Variants in NAALADL2 observed in about 807,000 individuals in gnomAD.
NAALADL2 encodes N-acetylated alpha-linked acidic dipeptidase like 2.
In NAALADL2, 76 loss-of-function variants were observed where a neutral mutation model predicts 87.2. The observed-to-expected ratio is 0.87, with a 90% CI of 0.72 to 1.05. The LOEUF (loss-of-function observed/expected upper bound fraction) is 1.05. NAALADL2 is among the 50% of genes least tolerant of loss of function. The probability of loss-of-function intolerance (pLI) is 0.00; values close to 1 mark genes in which losing one functional copy is unlikely to be tolerated. For missense variants in NAALADL2, 1,089 were observed against 945.8 expected (o/e 1.15, Z -1.99); for synonymous variants, 354 against 331.0 (o/e 1.07, Z -0.75).
intron 1 of NAALADL2, among the ~76,000 whole-genome samples, chr3:174,544,858 C>T (rs1422764904): frequency 1.3e-5 from 2 of 151,756 alleles, no homozygotes; most frequent in Non-Finnish European, 2.9e-5. Context: ...TGTGAGCCAC[C>T]ACACCTAGCC....
At chr3:175,378,711 G>A (rs998654578) in intron 5 of NAALADL2, among the ~76,000 whole-genome samples, 1 of 152,090 alleles carries the variant, frequency 6.6e-6, no homozygotes, top group African/African-American at 2.4e-5. Context: ...GTTTCTGGGT[G>A]GAAAACTTGG....
At chr3:175,321,912 C>A (rs1759935151) in intron 4 of NAALADL2, among the ~76,000 whole-genome samples, 1 of 145,776 alleles carries the variant, frequency 6.9e-6, no homozygotes, top group Non-Finnish European at 1.5e-5. Flanking sequence ...GCCATACTGC[C>A]CAAGGTAATT....
chr3:174,822,859 C>A (rs574215142), intron 3 of NAALADL2, among the ~76,000 whole-genome samples: 4 of 152,218 alleles, frequency 2.6e-5, no homozygotes, highest in Admixed American at 6.5e-5. Context: ...TAGCCTTTTG[C>A]TTGCAATTCA....
intron 3 of NAALADL2, among the ~76,000 whole-genome samples, chr3:174,833,849 A>G (rs1723015845): frequency 6.6e-6 from 1 of 150,672 alleles, no homozygotes; most frequent in Non-Finnish European, 1.5e-5. Context: ...GCCAAAATTT[A>G]ATGCCCATTT....
At chr3:174,698,728 G>A (rs1010901848) in intron 2 of NAALADL2, among the ~76,000 whole-genome samples, 3 of 133,930 alleles carry the variant, frequency 2.2e-5, no homozygotes, top group Non-Finnish European at 4.5e-5. Flanking sequence ...GCCGGGCGTA[G>A]TGGCGGGCGC....
At chr3:175,458,658 A>G (rs931811434) in intron 6 of NAALADL2, among the ~76,000 whole-genome samples, 2 of 151,252 alleles carry the variant, frequency 1.3e-5, no homozygotes, top group Non-Finnish European at 2.9e-5. Context: ...ATGTTTGTAA[A>G]TCTTTTCTCT....
chr3:175,642,703 TG>T (rs1420170472), intron 11 of NAALADL2, among the ~76,000 whole-genome samples: 1 of 152,108 alleles, frequency 6.6e-6, no homozygotes, highest in Non-Finnish European at 1.5e-5. Flanking sequence ...GGTTTCACCG[TG>T]TTAGCCAGGA....
intron 11 of NAALADL2, among the ~76,000 whole-genome samples, chr3:175,652,043 T>C (rs990121458): frequency 6.6e-6 from 1 of 152,244 alleles, no homozygotes; most frequent in Non-Finnish European, 1.5e-5. Flanking sequence ...TGAAAGGAGA[T>C]ACTGTACATC....
chr3:174,761,413 A>C (rs1358399609), intron 3 of NAALADL2, among the ~76,000 whole-genome samples: 2 of 152,208 alleles, frequency 1.3e-5, no homozygotes, highest in Non-Finnish European at 2.9e-5. Context: ...TTAATGTCTT[A>C]CAGTAGAAAA....
intron 1 of NAALADL2, among the ~76,000 whole-genome samples, chr3:175,092,381 A>G (rs1009257283): frequency 2.6e-5 from 4 of 151,878 alleles, no homozygotes; most frequent in Non-Finnish European, 4.4e-5. Flanking sequence ...TCTCATTATG[A>G]CTGCTGAACA....
At chr3:175,147,180 C>T (rs1730872280) in intron 2 of NAALADL2, among the ~76,000 whole-genome samples, 1 of 152,138 alleles carries the variant, frequency 6.6e-6, no homozygotes. Flanking sequence ...TTTGGAGTAC[C>T]TGTCACCCAG....
chr3:175,135,386 G>A (rs891161469), intron 2 of NAALADL2, among the ~76,000 whole-genome samples: 5 of 151,822 alleles, frequency 3.3e-5, no homozygotes, highest in African/African-American at 4.8e-5. Flanking sequence ...TATTTCCTTT[G>A]TTAATATCCC....
intron 5 of NAALADL2, among the ~76,000 whole-genome samples, chr3:175,366,897 C>T (rs1765666319): frequency 6.6e-6 from 1 of 151,750 alleles, no homozygotes; most frequent in African/African-American, 2.4e-5. Flanking sequence ...TCTTTTGTTG[C>T]CATTGCTTTT....
At chr3:174,875,236 C>A (rs1254436205) in intron 1 of NAALADL2, among the ~76,000 whole-genome samples, 1 of 150,192 alleles carries the variant, frequency 6.7e-6, no homozygotes, top group African/African-American at 2.5e-5. Context: ...TCTAGGATTT[C>A]TGACTTATTT....
intron 2 of NAALADL2, among the ~76,000 whole-genome samples, chr3:175,142,954 G>T (rs1466684836): frequency 2.0e-5 from 3 of 151,900 alleles, no homozygotes; most frequent in African/African-American, 7.2e-5. Context: ...ATATTGAAAA[G>T]TGTTTGTTTT....
intron 2 of NAALADL2, among the ~76,000 whole-genome samples, chr3:174,706,680 CT>C (rs1341130883): frequency 6.6e-6 from 1 of 152,190 alleles, no homozygotes; most frequent in African/African-American, 2.4e-5. Context: ...GTTGCCATTG[CT>C]TTTGGTGTTG....
intron 10 of NAALADL2, among the ~76,000 whole-genome samples, chr3:175,596,096 T>C (rs983014615): frequency 6.6e-6 from 1 of 151,978 alleles, no homozygotes; most frequent in Non-Finnish European, 1.5e-5. Context: ...AAAAAATAAC[T>C]TCAGCAGTTT....
chr3:174,724,553 T>C (rs1020566160), intron 2 of NAALADL2, among the ~76,000 whole-genome samples: 2 of 152,122 alleles, frequency 1.3e-5, no homozygotes, highest in Non-Finnish European at 2.9e-5. Flanking sequence ...TTTGAAATAA[T>C]ACTCCAAATA....
chr3:174,678,777 A>G (rs1727269520), intron 2 of NAALADL2, among the ~76,000 whole-genome samples: 1 of 152,106 alleles, frequency 6.6e-6, no homozygotes, highest in Admixed American at 6.6e-5. Context: ...ATTATTGTAT[A>G]CCGACTCTCT....
Sources: gnomAD v4.1 joint callset for allele counts (sites outside exome capture counted in the v4.1 genomes callset) on GRCh38, gnomAD v4.1.1 for gene constraint, MANE v1.5 for transcripts, NCBI Gene and HGNC (gene_info 2026-07-23, HGNC 2026-07-21) for gene names.